CDK11B: variants seen among roughly 807,000 people sequenced by gnomAD.
CDK11B encodes the protein cyclin dependent kinase 11B.
Under a neutral mutation model 84.0 loss-of-function variants are expected in CDK11B, and 37 were observed. The ratio of observed to expected loss-of-function variants is 0.44; its 90% CI spans 0.34 to 0.58. CDK11B has a LOEUF of 0.58. Ranked by LOEUF, CDK11B falls within the 20% of genes least tolerant of loss-of-function variation. CDK11B has a pLI of 0.02. For synonymous variants in CDK11B, 269 were observed against 309.8 expected (o/e 0.87, Z 1.38); for missense variants, 427 against 834.0 (o/e 0.51, Z 6.01).
rs1240571058 is a variant in CDK11B at position 1,655,491 on chromosome 1, A to G, written c.112-7T>C. 1 of 1,597,340 alleles carries G rather than the reference A, an allele frequency of 6.3e-7. No individual in the cohort carries two copies. The highest frequency in any genetic ancestry group is 8.5e-7 in the Non-Finnish European group (1 of 1,171,450). On this transcript the variant is annotated splice_polypyrimidine_tract_variant and splice_region_variant and intron_variant, in intron 2 of 19. Coordinates refer to ENST00000341832, the MANE Select transcript of CDK11B (RefSeq NM_033486.3). ...TGGAATCCCGGTCATCAGACTAAGA[A>G]GCAAAGAGAAAGTTAATCATTTTCT...
chr1:1,639,506 C>G (rs1639925932), intron 11 of CDK11B, among the ~76,000 whole-genome samples: 1 of 151,954 alleles, frequency 6.6e-6, no homozygotes, highest in Admixed American at 6.6e-5. Flanking sequence ...GCCCTACCTG[C>G]CAGGCGCAGC....
chr1:1,640,345 G>C lies in CDK11B; in HGVS notation c.1183C>G (p.Pro395Ala). The change falls in exon 11 of 20, where the codon CCC (proline) becomes GCC (alanine). Residue 395 changes from proline to alanine, a missense_variant. By Grantham distance (27) the Pro-to-Ala change is conservative. Transcript: ENST00000341832. ...SSALTEGDYV[P>A]DSPALSPIEL... is the part of the protein sequence containing the mutation. Reference sequence around the variant, plus strand: ...ATGGGCGACAGGGCAGGGGAGTCGGGCACATAGTCGCCCTCTGTCAGGGCG... The same window carrying C: ...ATGGGCGACAGGGCAGGGGAGTCGGCCACATAGTCGCCCTCTGTCAGGGCG... 1 of 1,613,688 alleles carries C rather than the reference G, an allele frequency of 6.2e-7. No homozygotes were observed. Among genetic ancestry groups the C allele is most frequent in the South Asian group, 1.1e-5 (1 of 91,068 alleles).
At chr1:1,652,684 A>G (rs1642162302) in intron 3 of CDK11B, 118 bp from the exon 4 acceptor site, 8 of 712,870 alleles carry the variant, frequency 1.1e-5, no homozygotes, top group Non-Finnish European at 2.1e-6. Context: ...CAAAGCTGAA[A>G]CATCATTTAA....
Position 1,636,808 on chromosome 1 carries a change from C to T in CDK11B, c.1801-10G>A. Reference sequence around the variant, plus strand: ...CGGCCGTGGAGTATTCCTAAGAGGTCAGGAGAGGTGTTCAGGAGGGCCAGT... The same window carrying T: ...CGGCCGTGGAGTATTCCTAAGAGGTTAGGAGAGGTGTTCAGGAGGGCCAGT... On this transcript the variant is annotated splice_polypyrimidine_tract_variant and intron_variant, in intron 16 of 19. Coordinates refer to ENST00000341832, the MANE Select transcript of CDK11B (RefSeq NM_033486.3). 2 of 1,613,808 alleles carry T rather than the reference C, an allele frequency of 1.2e-6. No homozygotes were observed. The highest frequency in any genetic ancestry group is 1.1e-5 in the South Asian group (1 of 91,078).
chr1:1,651,522 ACTCT>A (rs1205769533), intron 4 of CDK11B, among the ~76,000 whole-genome samples: 28 of 141,900 alleles, frequency 2.0e-4, no homozygotes, highest in African/African-American at 5.1e-4. Flanking sequence ...CAGCTAGAGT[ACTCT>A]CTCTATAGCC....
chr1:1,657,494 A>G lies in CDK11B; in HGVS notation c.-9T>C, dbSNP rs1285583298. 9 of 1,513,828 alleles carry G rather than the reference A, an allele frequency of 5.9e-6. No homozygotes were observed. The highest frequency in any genetic ancestry group is 7.1e-6 in the Non-Finnish European group (8 of 1,130,054). The allele number at this position is 1,513,828 out of a possible 1,614,324, so 93.8% of individuals were successfully genotyped here. A position where few individuals can be genotyped will look rare whatever the true frequency, so the allele number is the denominator to read the frequency against. ...TCCTTTTCATCACCCATTTGAGTTAAAACACTGCAAAAAGAAAAATAATTC... is the reference window on the plus strand; with the variant it reads ...TCCTTTTCATCACCCATTTGAGTTAGAACACTGCAAAAAGAAAAATAATTC... On this transcript the variant is annotated 5_prime_UTR_variant, in exon 2 of 20. Coordinates refer to ENST00000341832, the MANE Select transcript of CDK11B (RefSeq NM_033486.3).
In CDK11B at chr1:1,637,168, A is replaced by C. The variant is rs190165683; in HGVS notation, c.1605T>G (p.Arg535=). ...AGTTGTCGTGCAGGTGTTTCACCCC[A>C]CGCAGCAGCTGGATCATCAGGGTCT... is the stretch of plus-strand genomic sequence containing the variant. The part of the protein sequence containing the change: ...EVKTLMIQLL[R]GVKHLHDNWI... The change falls in exon 15 of 20, where the codon CGT becomes CGG. Residue 535 remains arginine (R), a synonymous_variant. Transcript: ENST00000341832. 7,039 of 1,612,986 alleles carry C rather than the reference A, an allele frequency of 4.4e-3. 20 individuals are homozygous for C. The highest frequency in any genetic ancestry group is 5.2e-3 in the Non-Finnish European group (6,085 of 1,179,446).
chr1:1,649,678 A>C, intron 4 of CDK11B, 41 bp from the exon 5 acceptor site: 1 of 1,603,052 alleles, frequency 6.2e-7, no homozygotes. Context: ...ACCTCACTTC[A>C]AAAATTTCAC....
Position 1,636,298 on chromosome 1 carries a change from C to G in CDK11B, c.2066+35G>C, listed in dbSNP as rs566130866. 753 of 1,538,224 alleles carry G rather than the reference C, an allele frequency of 4.9e-4. No individual in the cohort carries two copies. In the African/African-American group the frequency reaches 9.4e-3, roughly 19 times the overall value. ...GGACTGGGAAGTCACCGCTATGGCT[C>G]GGGACCTCCCGCCACCCGGCTGCAC... On this transcript the variant is annotated intron_variant, in intron 18 of 19. Transcript: ENST00000341832.
chr1:1,649,587 G>T lies in CDK11B; in HGVS notation c.406C>A (p.Arg136=), dbSNP rs1350981089. Residue 136 remains arginine (R), a synonymous_variant, in exon 5 of 20, where the codon CGG becomes AGG. Transcript: ENST00000341832. ...GCTTTATCCTGTTCTTCTCGATGCCGTTTCCGACGTTCGTGCTCTCTTTCT... is the reference window on the plus strand; with the variant it reads ...GCTTTATCCTGTTCTTCTCGATGCCTTTTCCGACGTTCGTGCTCTCTTTCT... ...EKEREHERRK[R]HREEQDKARR... The T allele has an allele frequency of 5.7e-3, 9,228 of 1,606,786 alleles. 405 individuals are homozygous for T. The African/African-American group carries it at 0.1, about 18-fold the overall frequency.
intron 11 of CDK11B, among the ~76,000 whole-genome samples, chr1:1,639,645 TCACAAGGC>T (rs1639953710): frequency 6.6e-6 from 1 of 151,712 alleles, no homozygotes; most frequent in Non-Finnish European, 1.5e-5. Flanking sequence ...GCAGAGGCGC[TCACAAGGC>T]ATAGGGCAGT....
chr1:1,636,863 G>C lies in CDK11B; in HGVS notation c.1800+34C>G, dbSNP rs764904284. The C allele has an allele frequency of 5.0e-6, 8 of 1,611,452 alleles. No individual in the cohort carries two copies. The South Asian group carries it at 7.7e-5, about 15-fold the overall frequency. On this transcript the variant is annotated intron_variant, in intron 16 of 19. Transcript: ENST00000341832. ...GCGAAGCTGTGGGAGGCTGCGTGGGGGACAGGGGAGGCACTCAGACGCCCA... is the reference window on the plus strand; with the variant it reads ...GCGAAGCTGTGGGAGGCTGCGTGGGCGACAGGGGAGGCACTCAGACGCCCA...
rs1212256890 is a variant in CDK11B, at chr1:1,650,268, C to CAAAAAAAAAAAAAAAAAAA, written c.356-632_356-631insTTTTTTTTTTTTTTTTTTT. Among the ~76,000 whole-genome samples, 327 of 45,662 alleles carry CAAAAAAAAAAAAAAAAAAA rather than the reference C, an allele frequency of 7.2e-3. 20 individuals carry two copies. Among genetic ancestry groups the CAAAAAAAAAAAAAAAAAAA allele is most frequent in the Middle Eastern group, 0.016 (1 of 64 alleles). 30.0% of individuals were successfully genotyped at this position (45,662 alleles called of 152,430 possible). On this transcript the variant is annotated intron_variant, in intron 4 of 19. Transcript: ENST00000341832. ...CTGGGTGACAAGCAAGACTCCGTCC[C>CAAAAAAAAAAAAAAAAAAA]AAAAAAAAAAAAAAAAGAAATTAAA... is the stretch of plus-strand genomic sequence containing the variant.
intron 2 of CDK11B, among the ~76,000 whole-genome samples, chr1:1,656,132 G>C (rs1002773774): frequency 2.6e-5 from 4 of 152,106 alleles, no homozygotes; most frequent in Non-Finnish European, 4.4e-5. Context: ...TTTTGGGTTT[G>C]GCTCCAAAAC....
intron 1 of CDK11B, among the ~76,000 whole-genome samples, chr1:1,657,903 A>T (rs1484923888): frequency 1.8e-4 from 6 of 32,842 alleles, no homozygotes; most frequent in Non-Finnish European, 7.2e-5. Context: ...AGACTTGGTT[A>T]AAAAAAAAAA....
chr1:1,636,455 G>A lies in CDK11B; in HGVS notation c.1944C>T (p.Ile648=), dbSNP rs1314221225. The A allele has an allele frequency of 1.2e-6, 2 of 1,612,792 alleles. No individual in the cohort carries two copies. The highest frequency in any genetic ancestry group is 2.7e-5 in the African/African-American group (2 of 74,952). ...CTGGGAGCTCGCTGTAGCCGGGCCA[G>A]ATTTTCTCACTAGGGGTCCCCAGAT... ...FKDLGTPSEK[I]WPGYSELPAV... Residue 648 remains isoleucine (I), a synonymous_variant, in exon 18 of 20, where the codon ATC becomes ATT. Coordinates refer to ENST00000341832, the MANE Select transcript of CDK11B (RefSeq NM_033486.3).
At chr1:1,650,510 C>T (rs1419830464) in intron 4 of CDK11B, among the ~76,000 whole-genome samples, 17 of 150,520 alleles carry the variant, frequency 1.1e-4, no homozygotes, top group Admixed American at 4.0e-4. Flanking sequence ...GTACTACAGG[C>T]GCCTGCCACC....
At chr1:1,652,130 C>A (rs1402809377) in intron 4 of CDK11B, among the ~76,000 whole-genome samples, 5 of 150,852 alleles carry the variant, frequency 3.3e-5, no homozygotes, top group Non-Finnish European at 5.9e-5. Flanking sequence ...CTCTCTATAG[C>A]CATTCTGAAT....
At chr1:1,655,558 G>A (rs1642634607) in intron 2 of CDK11B, 74 bp from the exon 3 acceptor site, 27 of 1,471,074 alleles carry the variant, frequency 1.8e-5, no homozygotes, top group Non-Finnish European at 2.4e-5. Context: ...TATTTTTAAT[G>A]ATAATCAAAC....
Sources: allele counts gnomAD v4.1 joint callset (sites outside exome capture counted in the v4.1 genomes callset), GRCh38; gene constraint gnomAD v4.1.1; transcripts MANE v1.5; gene names NCBI Gene and HGNC (gene_info 2026-07-23, HGNC 2026-07-21).